Variants in RBBP7 observed in about 807,000 individuals in gnomAD.
RBBP7 encodes RB binding protein 7, chromatin remodeling factor.
RBBP7 carries 5 observed loss-of-function variants against 35.2 expected under a neutral mutation model. The observed-to-expected ratio is 0.14, with a 90% CI of 0.07 to 0.30. The LOEUF (loss-of-function observed/expected upper bound fraction) is 0.30, where lower values mean the gene tolerates loss of function less well. Among genes scored for constraint, RBBP7 ranks in the 10% least tolerant of loss-of-function variants. The probability of loss-of-function intolerance (pLI) is 1.00; values close to 1 mark genes in which losing one functional copy is unlikely to be tolerated. For synonymous variants in RBBP7, 140 were observed against 118.7 expected (o/e 1.18, Z -1.17); for missense variants, 155 against 327.5 (o/e 0.47, Z 4.07).
At chrX:16,850,096 A>C (rs1930177782) in intron 9 of RBBP7, among the ~76,000 whole-genome samples, 1 of 112,379 alleles carries the variant, frequency 8.9e-6, no homozygotes, top group Non-Finnish European at 1.9e-5. Context: ...CCTTCCCACA[A>C]AACTAACCAA....
chrX:16,865,182 C>T (rs1007273272), intron 2 of RBBP7, among the ~76,000 whole-genome samples: 25 of 108,869 alleles, frequency 2.3e-4, no homozygotes, highest in African/African-American at 3.7e-4. Flanking sequence ...CCCAGGACTT[C>T]GAGACCAGCC....
chrX:16,864,527 A>C (rs1319459213), intron 2 of RBBP7, among the ~76,000 whole-genome samples: 3 of 41,282 alleles, frequency 7.3e-5, no homozygotes, highest in Non-Finnish European at 4.1e-5. Context: ...CTCCGTCTCC[A>C]AAAAAAAAAA....
chrX:16,869,762 G>A (rs2147533239), intron 1 of RBBP7: 1 of 960,464 alleles, frequency 1.0e-6, no homozygotes, highest in Non-Finnish European at 1.3e-6. Context: ...CCTCCGCCCC[G>A]GGGCCGAGGG....
Position 16,853,735 on chromosome X carries a change from G to A in RBBP7, c.705C>T (p.His235=), listed in dbSNP as rs144322361. ...ATCCAAACAATGACTCGTGCAGCAG[G>A]TGCCAGGCCACATCCTCTACAACAG... ...HSAVVEDVAW[H]LLHESLFGSV... is the part of the protein sequence containing the mutation. The change falls in exon 6 of 12, where the codon CAC becomes CAT. Residue 235 remains histidine (H), a synonymous_variant. Transcript: ENST00000380087. The A allele has an allele frequency of 6.7e-6, 8 of 1,186,100 alleles. No individual in the cohort carries two copies. The African/African-American group carries it at 1.1e-4, about 16-fold the overall frequency.
chrX:16,852,393 T>C, intron 8 of RBBP7, 158 bp downstream of exon 8: 1 of 632,193 alleles, frequency 1.6e-6, no homozygotes, highest in Non-Finnish European at 2.6e-6. Context: ...AGCTTTTTAA[T>C]TCTTCAACAA....
At chrX:16,867,260 T>C (rs1051265660) in intron 2 of RBBP7, among the ~76,000 whole-genome samples, 1 of 111,945 alleles carries the variant, frequency 8.9e-6, no homozygotes, top group Non-Finnish European at 1.9e-5. Context: ...CCCCAGTTCA[T>C]GAAGCTAAGA....
At chrX:16,857,544 A>G (rs112423364) in intron 5 of RBBP7, 50 bp downstream of exon 5, 4 of 1,202,753 alleles carry the variant, frequency 3.3e-6, no homozygotes, top group Non-Finnish European at 4.5e-6. Context: ...CACAGCTGTG[A>G]CACGTCAGCT....
chrX:16,844,866 AAT>A lies in RBBP7; in HGVS notation c.*167_*168del. Reference sequence around the variant, plus strand: ...CATTCTTCTCTTCCCTAATAGCTACAATATGATACAGTACGCAACAGCTCACT... The same window carrying A: ...CATTCTTCTCTTCCCTAATAGCTACAATGATACAGTACGCAACAGCTCACT... On this transcript the variant is annotated 3_prime_UTR_variant, in exon 12 of 12. Transcript: ENST00000380087. The A allele has an allele frequency of 1.1e-5, 4 of 375,990 alleles. No individual in the cohort carries two copies. Among genetic ancestry groups the A allele is most frequent in the Non-Finnish European group, 1.4e-5 (3 of 213,751 alleles). The allele number at this position is 375,990 out of a possible 1,213,427, so 31.0% of individuals were successfully genotyped here. A position where few individuals can be genotyped will look rare whatever the true frequency, so the allele number is the denominator to read the frequency against.
At chrX:16,863,488 A>T (rs1930524522) in intron 2 of RBBP7, among the ~76,000 whole-genome samples, 1 of 111,962 alleles carries the variant, frequency 8.9e-6, no homozygotes, top group African/African-American at 3.2e-5. Context: ...ACCTAAAGAA[A>T]TCTTCTTCCC....
intron 9 of RBBP7, among the ~76,000 whole-genome samples, 158 bp from the exon 10 acceptor site, chrX:16,849,459 T>G (rs1430609292): frequency 4.5e-5 from 5 of 111,560 alleles, no homozygotes; most frequent in Middle Eastern, 4.2e-3. Context: ...TTTTTTTCCT[T>G]AGAGACATGG....
chrX:16,858,960 G>C (rs749733531), intron 3 of RBBP7, 111 bp from the exon 4 acceptor site: 8 of 1,055,378 alleles, frequency 7.6e-6, no homozygotes, highest in Non-Finnish European at 1.0e-5. Flanking sequence ...AACACAAACT[G>C]ACAAGACAAA....
intron 9 of RBBP7, among the ~76,000 whole-genome samples, 158 bp downstream of exon 9, chrX:16,851,888 A>G (rs1451708041): frequency 8.9e-6 from 1 of 112,620 alleles, no homozygotes; most frequent in Non-Finnish European, 1.9e-5. Flanking sequence ...CTTCTATTTT[A>G]CAGAACAAAG....
Position 16,869,486 on chromosome X carries a change from G to A in RBBP7, c.17-266C>T, listed in dbSNP as rs1360398455. On this transcript the variant is annotated intron_variant, in intron 1 of 11. Transcript: ENST00000380087. ...GGAAATTGTTTACCCTGTTACAGCT[G>A]TTCGCACCTGTTCTAAGATGACGAC... is the stretch of plus-strand genomic sequence containing the variant. The A allele has an allele frequency of 1.5e-5, 18 of 1,164,428 alleles. No individual in the cohort carries two copies. The South Asian group carries it at 3.2e-4, about 21-fold the overall frequency.
chrX:16,848,413 A>C (rs1378077807), intron 10 of RBBP7: 2 of 112,089 alleles, frequency 1.8e-5, no homozygotes, highest in Non-Finnish European at 3.8e-5. Flanking sequence ...CATTCTTACA[A>C]GGTGGGCTTA....
At chrX:16,867,572 G>A (rs1487637354) in intron 2 of RBBP7, among the ~76,000 whole-genome samples, 1 of 111,503 alleles carries the variant, frequency 9.0e-6, no homozygotes, top group African/African-American at 3.3e-5. Flanking sequence ...AGATTTTTGG[G>A]AAGCCTAGTG....
chrX:16,859,360 A>C (rs1930416320), intron 3 of RBBP7, among the ~76,000 whole-genome samples: 1 of 112,181 alleles, frequency 8.9e-6, no homozygotes, highest in Non-Finnish European at 1.9e-5. Context: ...ACCTGTCCCT[A>C]AACACACATA....
chrX:16,869,503 G>A (rs1283951958), intron 1 of RBBP7: 2 of 1,165,387 alleles, frequency 1.7e-6, no homozygotes, highest in African/African-American at 3.6e-5. Context: ...CCTGTTCTAA[G>A]ATGACGACCT....
chrX:16,854,633 G>A (rs2147518501), intron 5 of RBBP7, among the ~76,000 whole-genome samples: 1 of 110,862 alleles, frequency 9.0e-6, no homozygotes, highest in African/African-American at 3.3e-5. Flanking sequence ...ACAGACATCA[G>A]GAGATGGGAC....
At chrX:16,853,438 G>A (rs1930260961) in intron 6 of RBBP7, 2 of 265,986 alleles carry the variant, frequency 7.5e-6, no homozygotes, top group Non-Finnish European at 1.3e-5. Flanking sequence ...AGGACTACAG[G>A]TGCACACCAC....
Sources: allele counts gnomAD v4.1 joint callset (sites outside exome capture counted in the v4.1 genomes callset), GRCh38; gene constraint gnomAD v4.1.1; transcripts MANE v1.5; gene names NCBI Gene and HGNC (gene_info 2026-07-23, HGNC 2026-07-21).